Variants in SPOCK3 observed in about 807,000 individuals in gnomAD.
SPOCK3 encodes testican-3.
SPOCK3 carries 30 observed loss-of-function variants against 56.6 expected under a neutral mutation model. The observed-to-expected ratio is 0.53, with a 90% CI of 0.40 to 0.72. SPOCK3 has a LOEUF of 0.72. Ranked by LOEUF, SPOCK3 falls within the 30% of genes least tolerant of loss-of-function variation. The pLI is 0.00. For missense variants in SPOCK3, 527 were observed against 530.0 expected, an observed-to-expected ratio of 0.99 and a Z score of 0.06; for synonymous variants, 196 against 183.3, an observed-to-expected ratio of 1.07 and a Z score of -0.56.
chr4:167,153,543 C>A (rs1178317397), intron 2 of SPOCK3, among the ~76,000 whole-genome samples: 1 of 152,324 alleles, frequency 6.6e-6, no homozygotes, highest in East Asian at 1.9e-4. Flanking sequence ...CATAACCACA[C>A]AGCACTAGTG....
intron 2 of SPOCK3, among the ~76,000 whole-genome samples, chr4:167,216,455 A>ATGT: frequency 6.6e-6 from 1 of 152,230 alleles, no homozygotes; most frequent in East Asian, 1.9e-4. Context: ...GTTATCTACA[A>ATGT]GACTAGCCTA....
At chr4:166,962,201 T>G (rs754413329) in intron 4 of SPOCK3, among the ~76,000 whole-genome samples, 3 of 152,160 alleles carry the variant, frequency 2.0e-5, no homozygotes, top group Non-Finnish European at 4.4e-5. Context: ...ATTAGCAACC[T>G]TAATTGCTCT....
At chr4:166,958,984 T>TTTTATATTCAA (rs1399711088) in intron 4 of SPOCK3, among the ~76,000 whole-genome samples, 2 of 152,160 alleles carry the variant, frequency 1.3e-5, no homozygotes, top group African/African-American at 4.8e-5. Context: ...TGTTATGTCT[T>TTTTATATTCAA]TGATAACATT....
chr4:167,214,440 A>C (rs1047526720), intron 2 of SPOCK3, among the ~76,000 whole-genome samples: 1 of 152,088 alleles, frequency 6.6e-6, no homozygotes, highest in Non-Finnish European at 1.5e-5. Flanking sequence ...TTATGATTTC[A>C]ATTTTGTTTG....
At position 166,739,523 on chromosome 4, in the gene SPOCK3, G is replaced by A. The variant is rs543778744; in HGVS notation, c.995-1919C>T. 2.6e-3 allele frequency among the ~76,000 whole-genome samples: 401 copies of A among 152,202 alleles called. 2 individuals are homozygous for A. The Middle Eastern group carries it at 0.041, about 15-fold the overall frequency. On this transcript the variant is annotated intron_variant, in intron 9 of 10. Coordinates refer to ENST00000357545, the MANE Select transcript of SPOCK3 (RefSeq NM_001040159.2). ...CCCAGAATGCTGGGATTACAGGCAT[G>A]AGCCGTCATCCCCGACTAGAGACTT...
intron 8 of SPOCK3, among the ~76,000 whole-genome samples, chr4:166,743,472 T>C (rs1343683791): frequency 1.3e-5 from 2 of 152,028 alleles, no homozygotes; most frequent in Non-Finnish European, 2.9e-5. Context: ...GAATCTAAAA[T>C]GTAAAGAAAG....
intron 2 of SPOCK3, among the ~76,000 whole-genome samples, chr4:167,083,640 T>A (rs1485968037): frequency 6.6e-6 from 1 of 152,126 alleles, no homozygotes; most frequent in Non-Finnish European, 1.5e-5. Flanking sequence ...AATGCTGTGG[T>A]CAAACTAGGT....
chr4:166,768,488 T>C (rs1738454548), intron 7 of SPOCK3, among the ~76,000 whole-genome samples: 1 of 152,220 alleles, frequency 6.6e-6, no homozygotes, highest in South Asian at 2.1e-4. Flanking sequence ...TGAAAATTCT[T>C]TCCTTTAAGA....
At chr4:167,153,461 C>A (rs1275762858) in intron 2 of SPOCK3, among the ~76,000 whole-genome samples, 1 of 152,104 alleles carries the variant, frequency 6.6e-6, no homozygotes, top group Non-Finnish European at 1.5e-5. Flanking sequence ...GAACCTAAAT[C>A]AAAATAATTA....
chr4:166,941,460 G>A (rs1741062979), intron 4 of SPOCK3, among the ~76,000 whole-genome samples: 1 of 152,150 alleles, frequency 6.6e-6, no homozygotes, highest in Admixed American at 6.5e-5. Context: ...CAGTCTGAAA[G>A]CTAAAATATC....
At chr4:166,735,159 C>A (rs961873903) in intron 10 of SPOCK3, 69 bp from the exon 11 acceptor site, 2 of 918,622 alleles carry the variant, frequency 2.2e-6, no homozygotes, top group Non-Finnish European at 3.3e-6. Flanking sequence ...AAGATAAAAT[C>A]CTTATAAAAA....
chr4:167,075,453 A>C (rs1189459641), intron 2 of SPOCK3, among the ~76,000 whole-genome samples: 1 of 151,860 alleles, frequency 6.6e-6, no homozygotes, highest in Non-Finnish European at 1.5e-5. Context: ...GCAGTTAGAG[A>C]TGTGTCTCCC....
intron 6 of SPOCK3, among the ~76,000 whole-genome samples, chr4:166,884,470 C>A (rs951345126): frequency 1.3e-5 from 2 of 151,778 alleles, no homozygotes; most frequent in Non-Finnish European, 2.9e-5. Context: ...GCAAAATATG[C>A]AAATACATAC....
At chr4:167,072,061 A>T (rs1756739059) in intron 2 of SPOCK3, among the ~76,000 whole-genome samples, 1 of 152,064 alleles carries the variant, frequency 6.6e-6, no homozygotes, top group Non-Finnish European at 1.5e-5. Context: ...TGTACCAGGA[A>T]CTGTTCTGAA....
intron 6 of SPOCK3, among the ~76,000 whole-genome samples, chr4:166,859,803 A>C (rs1731058447): frequency 6.6e-6 from 1 of 152,132 alleles, no homozygotes; most frequent in Admixed American, 6.6e-5. Context: ...ACATCTTCAG[A>C]AATAGGGCAC....
chr4:167,114,206 C>T (rs1027484040), intron 2 of SPOCK3, among the ~76,000 whole-genome samples: 1 of 152,086 alleles, frequency 6.6e-6, no homozygotes, highest in Non-Finnish European at 1.5e-5. Flanking sequence ...TATTTGAAGG[C>T]ATCGGAGAGC....
At chr4:166,748,034 C>G (rs1184720085) in intron 8 of SPOCK3, among the ~76,000 whole-genome samples, 2 of 152,130 alleles carry the variant, frequency 1.3e-5, no homozygotes, top group African/African-American at 4.8e-5. Context: ...TAGGAAGAAT[C>G]AATACCATGA....
At chr4:166,775,274 TC>T (rs1739400484) in intron 7 of SPOCK3, among the ~76,000 whole-genome samples, 2 of 152,130 alleles carry the variant, frequency 1.3e-5, no homozygotes, top group East Asian at 3.9e-4. Context: ...GTCTGCTCAC[TC>T]ACATATGTCA....
At chr4:166,786,868 T>C (rs2126636677) in intron 7 of SPOCK3, among the ~76,000 whole-genome samples, 1 of 125,694 alleles carries the variant, frequency 8.0e-6, no homozygotes, top group South Asian at 2.6e-4. Context: ...AAAAATCACG[T>C]ATCTAAGACT....
Sources: allele counts gnomAD v4.1 joint callset (sites outside exome capture counted in the v4.1 genomes callset), GRCh38; gene constraint gnomAD v4.1.1; transcripts MANE v1.5; gene names NCBI Gene and HGNC (gene_info 2026-07-23, HGNC 2026-07-21).